RFX3: variants seen among roughly 807,000 people sequenced by gnomAD.
RFX3 encodes regulatory factor X3, also known as transcription factor RFX3.
In RFX3, 14 loss-of-function variants were observed where a neutral mutation model predicts 98.6. That is an observed-to-expected ratio of 0.14 (90% CI 0.09 to 0.22). RFX3 has a LOEUF of 0.22. Among genes scored for constraint, RFX3 ranks in the 10% least tolerant of loss-of-function variants. RFX3 has a pLI of 1.00. For missense variants in RFX3, 639 were observed against 926.9 expected (o/e 0.69, Z 4.03); for synonymous variants, 383 against 328.4 (o/e 1.17, Z -1.80).
At chr9:3,374,211 T>C (rs953447062) in intron 2 of RFX3, among the ~76,000 whole-genome samples, 5 of 152,094 alleles carry the variant, frequency 3.3e-5, no homozygotes, top group African/African-American at 7.2e-5. Flanking sequence ...TTGGAACCCT[T>C]GCGCTCTGTT....
intron 1 of RFX3, among the ~76,000 whole-genome samples, chr9:3,455,220 T>A (rs1375195237): frequency 1.3e-5 from 2 of 152,238 alleles, no homozygotes; most frequent in Admixed American, 6.5e-5. Context: ...AGTGGCCTCA[T>A]TCCTTTCTAC....
At chr9:3,257,272 T>C (rs1822258953) in intron 13 of RFX3, 73 bp from the exon 14 acceptor site, 1 of 1,216,870 alleles carries the variant, frequency 8.2e-7, no homozygotes, top group Non-Finnish European at 1.2e-6. Flanking sequence ...GCACACACAC[T>C]AGATGCAAGA....
chr9:3,324,599 AAG>A lies in RFX3; in HGVS notation c.474+5658_474+5659del, dbSNP rs768897607. On this transcript the variant is annotated intron_variant, in intron 4 of 16. Coordinates refer to ENST00000617270, the MANE Select transcript of RFX3 (RefSeq NM_001282116.2). Reference sequence around the variant, plus strand: ...TTACCATTTGTGTAAAAAAAAAAAAAAGAGAGAGGGAGTGAAAAAATATATAT... The same window carrying A: ...TTACCATTTGTGTAAAAAAAAAAAAAAGAGAGGGAGTGAAAAAATATATAT... Among the ~76,000 whole-genome samples the A allele has an allele frequency of 2.5e-3, 379 of 148,718 alleles. 3 individuals are homozygous for A. Among genetic ancestry groups the A allele is most frequent in the African/African-American group, 7.5e-3 (302 of 40,334 alleles).
At chr9:3,245,866 G>A (rs1447283653) in intron 15 of RFX3, among the ~76,000 whole-genome samples, 1 of 152,116 alleles carries the variant, frequency 6.6e-6, no homozygotes, top group Non-Finnish European at 1.5e-5. Context: ...ACACAGGCAC[G>A]TCTGGATTTG....
intron 1 of RFX3, among the ~76,000 whole-genome samples, chr9:3,523,439 C>A (rs947932170): frequency 1.3e-5 from 2 of 151,934 alleles, no homozygotes; most frequent in African/African-American, 4.8e-5. Flanking sequence ...CAATTTTATC[C>A]CACATATATG....
chr9:3,463,837 G>A (rs547898676), intron 1 of RFX3, among the ~76,000 whole-genome samples: 1 of 152,218 alleles, frequency 6.6e-6, no homozygotes, highest in East Asian at 1.9e-4. Flanking sequence ...AGCCAGGCAT[G>A]GAGGTACACG....
intron 3 of RFX3, among the ~76,000 whole-genome samples, chr9:3,335,486 T>C (rs1173544167): frequency 1.3e-5 from 2 of 152,114 alleles, no homozygotes; most frequent in Admixed American, 1.3e-4. Flanking sequence ...CCTAAACATA[T>C]GTTCAAGAAA....
chr9:3,290,193 C>A (rs1394445103), intron 6 of RFX3, among the ~76,000 whole-genome samples: 2 of 148,292 alleles, frequency 1.3e-5, no homozygotes, highest in East Asian at 3.9e-4. Context: ...GTAAACACTA[C>A]ATACAATTAA....
rs544014623 is a variant in RFX3 at position 3,458,951 on chromosome 9, C to T, written c.-8-63355G>A. Among the ~76,000 whole-genome samples the T allele has an allele frequency of 4.6e-5, 7 of 152,222 alleles. No individual in the cohort carries two copies. In the East Asian group the frequency reaches 1.4e-3, roughly 29 times the overall value. ...GCCAAGAATAGTATTGAAAACATTCCTGCATTGCCGTAGACACTGAATTAA... is the reference window on the plus strand; with the variant it reads ...GCCAAGAATAGTATTGAAAACATTCTTGCATTGCCGTAGACACTGAATTAA... On this transcript the variant is annotated intron_variant, in intron 1 of 16. Coordinates refer to ENST00000617270, the MANE Select transcript of RFX3 (RefSeq NM_001282116.2).
chr9:3,313,545 T>TTCA (rs1166711274), intron 4 of RFX3, among the ~76,000 whole-genome samples: 1 of 152,202 alleles, frequency 6.6e-6, no homozygotes, highest in African/African-American at 2.4e-5. Context: ...AGAAGAAGAC[T>TTCA]TCAGACGATC....
chr9:3,428,028 C>A (rs1404908273), intron 1 of RFX3, among the ~76,000 whole-genome samples: 1 of 152,066 alleles, frequency 6.6e-6, no homozygotes, highest in Non-Finnish European at 1.5e-5. Context: ...AAATGCAGAG[C>A]AAATGTGGGG....
chr9:3,514,424 T>C (rs1817944564), intron 1 of RFX3, among the ~76,000 whole-genome samples: 1 of 152,106 alleles, frequency 6.6e-6, no homozygotes, highest in African/African-American at 2.4e-5. Flanking sequence ...TGAAAAGTAA[T>C]TTTTTTAACC....
chr9:3,352,898 G>A (rs572280170), intron 2 of RFX3, among the ~76,000 whole-genome samples: 10 of 152,070 alleles, frequency 6.6e-5, no homozygotes, highest in East Asian at 5.8e-4. Context: ...ACGTGCACAC[G>A]TATGTTTATT....
Position 3,220,348 on chromosome 9 carries a change from A to C in RFX3, c.*4694T>G, listed in dbSNP as rs1412863677. 2 of 147,170 alleles carry C rather than the reference A, an allele frequency of 1.4e-5. No homozygotes were observed. The highest frequency in any genetic ancestry group is 1.3e-4 in the Admixed American group (2 of 14,932). 9.1% of individuals were successfully genotyped at this position (147,170 alleles called of 1,614,324 possible). The stretch of plus-strand genomic sequence containing the variant: ...GATTCATTTTGGGAAAAAAAAGACA[A>C]AAAAAAAAGAAACTTAACCCTTTCT... On this transcript the variant is annotated 3_prime_UTR_variant, in exon 17 of 17. Coordinates refer to ENST00000617270, the MANE Select transcript of RFX3 (RefSeq NM_001282116.2).
intron 2 of RFX3, among the ~76,000 whole-genome samples, chr9:3,385,118 C>A (rs928378471): frequency 6.6e-6 from 1 of 152,116 alleles, no homozygotes; most frequent in Admixed American, 6.6e-5. Context: ...ATAAATAATT[C>A]TTCTAATTTG....
chr9:3,444,725 T>A (rs894390872), intron 1 of RFX3, among the ~76,000 whole-genome samples: 1 of 152,208 alleles, frequency 6.6e-6, no homozygotes, highest in African/African-American at 2.4e-5. Context: ...AAATGCTGAT[T>A]AGATTTGGTC....
At chr9:3,332,728 C>T (rs576571721) in intron 3 of RFX3, among the ~76,000 whole-genome samples, 1 of 152,138 alleles carries the variant, frequency 6.6e-6, no homozygotes, top group African/African-American at 2.4e-5. Flanking sequence ...TTGGTATTAG[C>T]CATGTTATCA....
chr9:3,254,040 T>C (rs1394589605), intron 14 of RFX3, among the ~76,000 whole-genome samples: 1 of 152,114 alleles, frequency 6.6e-6, no homozygotes, highest in Non-Finnish European at 1.5e-5. Context: ...GGCCTTCAAG[T>C]CTTTTTGAAA....
chr9:3,488,871 G>C (rs1850498250), intron 1 of RFX3: 23 of 984,780 alleles, frequency 2.3e-5, no homozygotes, highest in Non-Finnish European at 2.8e-5. Context: ...TCTTCCCAAA[G>C]AAACTAGAGT....
Sources: allele counts gnomAD v4.1 joint callset (sites outside exome capture counted in the v4.1 genomes callset), GRCh38; gene constraint gnomAD v4.1.1; transcripts MANE v1.5; gene names NCBI Gene and HGNC (gene_info 2026-07-23, HGNC 2026-07-21).